The following LRRC4C variants were observed in gnomAD, a reference collection of about 807,000 sequenced individuals.
The protein encoded by LRRC4C is leucine rich repeat containing 4C, also known as leucine-rich repeat-containing protein 4C.
In LRRC4C, 5 loss-of-function variants were observed where a neutral mutation model predicts 33.6. That is an observed-to-expected ratio of 0.15 (90% CI 0.08 to 0.31). The LOEUF (loss-of-function observed/expected upper bound fraction) is 0.31. LRRC4C is among the 10% of genes least tolerant of loss of function. LRRC4C has a pLI of 1.00. For synonymous variants in LRRC4C, 329 were observed against 302.0 expected (o/e 1.09, Z -0.93); for missense variants, 560 against 796.7 (o/e 0.70, Z 3.58).
chr11:40,340,489 G>C (rs1478892614), intron 3 of LRRC4C, among the ~76,000 whole-genome samples: 4 of 152,050 alleles, frequency 2.6e-5, no homozygotes, highest in Non-Finnish European at 5.9e-5. Flanking sequence ...TGGGGACTGA[G>C]GCTAAGGGAT....
Position 40,687,669 on chromosome 11 carries a change from C to A in LRRC4C, c.-406-39391G>T, listed in dbSNP as rs146535760. ...ATATATGAGAAATGCTAAACTTTGT[C>A]TTTCTTGCTATGATTGATGCATGCA... On this transcript the variant is annotated intron_variant, in intron 2 of 6. Coordinates refer to ENST00000528697, the MANE Select transcript of LRRC4C (RefSeq NM_001258419.2). Among the ~76,000 whole-genome samples, 19 of 152,164 alleles carry A rather than the reference C, an allele frequency of 1.2e-4. 1 individual carries two copies. In the Middle Eastern group the frequency reaches 0.01, roughly 82 times the overall value.
At chr11:40,217,259 A>T (rs915337160) in intron 5 of LRRC4C, among the ~76,000 whole-genome samples, 2 of 152,124 alleles carry the variant, frequency 1.3e-5, no homozygotes, top group Non-Finnish European at 2.9e-5. Context: ...TTTATAATAT[A>T]GGTAATATTA....
intron 2 of LRRC4C, among the ~76,000 whole-genome samples, chr11:40,867,264 A>G (rs1239849592): frequency 2.6e-5 from 4 of 152,154 alleles, no homozygotes; most frequent in Non-Finnish European, 4.4e-5. Flanking sequence ...TATATCTACA[A>G]TGTAGGAAGC....
At position 40,324,337 on chromosome 11, in the gene LRRC4C, T is replaced by C. The variant is rs547117343; in HGVS notation, c.-269-4616A>G. On this transcript the variant is annotated intron_variant, in intron 3 of 6. Coordinates refer to ENST00000528697, the MANE Select transcript of LRRC4C (RefSeq NM_001258419.2). ...TTTTTCCATAAAGGTGAGCAGTTTT[T>C]TTTGTCAGATGTCAAAAGAGGCCTT... Among the ~76,000 whole-genome samples the C allele has an allele frequency of 2.0e-5, 3 of 152,346 alleles. No homozygotes were observed. The South Asian group carries it at 6.2e-4, about 32-fold the overall frequency.
At chr11:40,585,372 A>T (rs1478915231) in intron 3 of LRRC4C, among the ~76,000 whole-genome samples, 4 of 152,190 alleles carry the variant, frequency 2.6e-5, no homozygotes. Context: ...CCAGCAGCAG[A>T]ACAGGGTTTC....
At chr11:41,158,830 C>G (rs146983610) in intron 1 of LRRC4C, among the ~76,000 whole-genome samples, 34 of 152,174 alleles carry the variant, frequency 2.2e-4, no homozygotes, top group African/African-American at 8.2e-4. Flanking sequence ...ATATAATACA[C>G]AAGACCACAG....
At chr11:40,907,803 T>C (rs952182748) in intron 2 of LRRC4C, among the ~76,000 whole-genome samples, 5 of 152,250 alleles carry the variant, frequency 3.3e-5, no homozygotes, top group African/African-American at 1.2e-4. Context: ...GTGGCTTCTC[T>C]AAGTCGCTTA....
At chr11:41,438,180 T>G (rs1242914654) in intron 1 of LRRC4C, among the ~76,000 whole-genome samples, 1 of 152,074 alleles carries the variant, frequency 6.6e-6, no homozygotes, top group Non-Finnish European at 1.5e-5. Context: ...GCAAATAACA[T>G]GTGGCAGACA....
intron 3 of LRRC4C, among the ~76,000 whole-genome samples, chr11:40,374,161 T>C (rs891780012): frequency 1.3e-5 from 2 of 152,136 alleles, no homozygotes; most frequent in Non-Finnish European, 2.9e-5. Flanking sequence ...CATATAACCA[T>C]TTTGTAAGAA....
intron 1 of LRRC4C, among the ~76,000 whole-genome samples, chr11:41,414,607 T>C (rs1042691960): frequency 6.6e-6 from 1 of 152,072 alleles, no homozygotes; most frequent in African/African-American, 2.4e-5. Flanking sequence ...TCCTGGTTTT[T>C]GGAGAGGTTC....
intron 1 of LRRC4C, among the ~76,000 whole-genome samples, chr11:41,045,400 G>A (rs1857703450): frequency 6.6e-6 from 1 of 152,110 alleles, no homozygotes; most frequent in Non-Finnish European, 1.5e-5. Flanking sequence ...GCATTTGAAA[G>A]CAAGTTAGTG....
intron 1 of LRRC4C, among the ~76,000 whole-genome samples, chr11:41,094,044 G>C (rs1940632620): frequency 6.6e-6 from 1 of 151,242 alleles, no homozygotes; most frequent in Admixed American, 6.6e-5. Flanking sequence ...GGGAGACGGA[G>C]GTTGCAGTGA....
At chr11:40,338,985 G>GT (rs1179538641) in intron 3 of LRRC4C, among the ~76,000 whole-genome samples, 1 of 152,178 alleles carries the variant, frequency 6.6e-6, no homozygotes, top group Non-Finnish European at 1.5e-5. Context: ...TCCTTTTCCT[G>GT]TTTCCTGTTT....
intron 3 of LRRC4C, among the ~76,000 whole-genome samples, chr11:40,522,996 T>A (rs368711611): frequency 6.6e-6 from 1 of 152,210 alleles, no homozygotes; most frequent in East Asian, 1.9e-4. Context: ...TTGTGAATGC[T>A]ATGAACATGA....
At chr11:41,080,415 G>A (rs1207332430) in intron 1 of LRRC4C, among the ~76,000 whole-genome samples, 3 of 137,106 alleles carry the variant, frequency 2.2e-5, no homozygotes, top group Non-Finnish European at 3.0e-5. Flanking sequence ...GCAATGGCAC[G>A]ATCTGGGCTC....
chr11:40,571,366 A>G (rs1957976957), intron 3 of LRRC4C, among the ~76,000 whole-genome samples: 1 of 152,102 alleles, frequency 6.6e-6, no homozygotes, highest in South Asian at 2.1e-4. Context: ...TGTAAATTTC[A>G]CTGTTGAATA....
chr11:41,213,462 T>A (rs966107127), intron 1 of LRRC4C, among the ~76,000 whole-genome samples: 2 of 152,196 alleles, frequency 1.3e-5, no homozygotes, highest in African/African-American at 4.8e-5. Context: ...TTTAATGTAC[T>A]TTAAGCATCC....
At chr11:41,256,864 T>G (rs553005055) in intron 1 of LRRC4C, among the ~76,000 whole-genome samples, 1 of 152,182 alleles carries the variant, frequency 6.6e-6, no homozygotes, top group East Asian at 1.9e-4. Context: ...GTCATGTGGC[T>G]ACTTAGTGGA....
At chr11:41,281,905 T>A (rs1436813858) in intron 1 of LRRC4C, among the ~76,000 whole-genome samples, 2 of 152,188 alleles carry the variant, frequency 1.3e-5, no homozygotes, top group African/African-American at 4.8e-5. Flanking sequence ...ATAGAAATAG[T>A]CCTATGGTAC....
Sources: gnomAD v4.1 joint callset for allele counts (sites outside exome capture counted in the v4.1 genomes callset) on GRCh38, gnomAD v4.1.1 for gene constraint, MANE v1.5 for transcripts, NCBI Gene and HGNC (gene_info 2026-07-23, HGNC 2026-07-21) for gene names.